The following USP15 variants were observed in gnomAD, a reference collection of about 807,000 sequenced individuals.
USP15 encodes the protein ubiquitin specific peptidase 15.
USP15 carries 18 observed loss-of-function variants against 127.1 expected under a neutral mutation model. The observed-to-expected ratio is 0.14, with a 90% CI of 0.10 to 0.21. The LOEUF is 0.21. USP15 is among the 10% of genes least tolerant of loss of function. The pLI is 1.00. For synonymous variants in USP15, 364 were observed against 393.7 expected (o/e 0.92, Z 0.89); for missense variants, 805 against 1,159.9 (o/e 0.69, Z 4.44).
At chr12:62,308,335 T>C (rs1175394663) in intron 3 of USP15, among the ~76,000 whole-genome samples, 1 of 152,050 alleles carries the variant, frequency 6.6e-6, no homozygotes, top group African/African-American at 2.4e-5. Context: ...TGCTCCCCAG[T>C]GATTGTGACC....
intron 8 of USP15, among the ~76,000 whole-genome samples, chr12:62,376,313 CTT>C (rs1441560137): frequency 6.6e-6 from 1 of 151,796 alleles, no homozygotes; most frequent in Non-Finnish European, 1.5e-5. Flanking sequence ...AGTACAAAGT[CTT>C]TTTCTTTAGT....
intron 3 of USP15, among the ~76,000 whole-genome samples, chr12:62,304,008 T>A (rs1398119042): frequency 7.3e-5 from 11 of 151,352 alleles, no homozygotes; most frequent in African/African-American, 2.7e-4. Flanking sequence ...TAGAATTATT[T>A]CATTCCTAGG....
intron 8 of USP15, among the ~76,000 whole-genome samples, chr12:62,371,913 G>T (rs1034082757): frequency 6.6e-6 from 1 of 152,062 alleles, no homozygotes; most frequent in Admixed American, 6.6e-5. Context: ...GAGTAAGCAG[G>T]TTACTTATCT....
At chr12:62,318,038 A>C (rs1479895527) in intron 4 of USP15, among the ~76,000 whole-genome samples, 1 of 152,162 alleles carries the variant, frequency 6.6e-6, no homozygotes, top group Non-Finnish European at 1.5e-5. Context: ...TTATTTTTCT[A>C]CCTCTGTATG....
intron 5 of USP15, 108 bp downstream of exon 5, chr12:62,321,717 T>A: frequency 1.1e-6 from 1 of 917,426 alleles, no homozygotes; most frequent in East Asian, 3.2e-5. Flanking sequence ...TCTGGCTTCC[T>A]CTTTCTAAAC....
At position 62,339,547 on chromosome 12, in the gene USP15, T is replaced by C. The variant is rs180982901; in HGVS notation, c.684-9674T>C. 1.8e-3 allele frequency among the ~76,000 whole-genome samples: 272 copies of C among 152,250 alleles called. 1 individual carries two copies. Among genetic ancestry groups the C allele is most frequent in the Middle Eastern group, 0.01 (3 of 294 alleles). On this transcript the variant is annotated intron_variant, in intron 6 of 21. Transcript: ENST00000280377. Reference sequence around the variant, plus strand: ...GGTCTGTCATAAATAGCTCTTATTATTTTGAGATATGTTTCATCAATAGTT... The same window carrying C: ...GGTCTGTCATAAATAGCTCTTATTACTTTGAGATATGTTTCATCAATAGTT...
intron 6 of USP15, among the ~76,000 whole-genome samples, chr12:62,340,585 G>C (rs1450369528): frequency 6.6e-6 from 1 of 152,038 alleles, no homozygotes; most frequent in African/African-American, 2.4e-5. Context: ...TTGTCTCTTT[G>C]TTCTCATTGG....
At chr12:62,302,318 CTT>C (rs1406271423) in intron 2 of USP15, among the ~76,000 whole-genome samples, 1 of 152,124 alleles carries the variant, frequency 6.6e-6, no homozygotes, top group East Asian at 1.9e-4. Flanking sequence ...GGGAAACACT[CTT>C]TTGTCAAGTC....
intron 6 of USP15, among the ~76,000 whole-genome samples, chr12:62,344,879 A>C (rs1448470940): frequency 6.6e-6 from 1 of 152,194 alleles, no homozygotes; most frequent in Non-Finnish European, 1.5e-5. Context: ...CCATGGCCAG[A>C]GCAGCTGAAA....
chr12:62,379,527 G>A (rs887342162), intron 8 of USP15, among the ~76,000 whole-genome samples: 6 of 152,126 alleles, frequency 3.9e-5, no homozygotes, highest in African/African-American at 1.4e-4. Context: ...TCCAAGATAA[G>A]AGTATATGTG....
intron 8 of USP15, among the ~76,000 whole-genome samples, chr12:62,368,694 T>G (rs1467454074): frequency 6.6e-6 from 1 of 152,260 alleles, no homozygotes; most frequent in Non-Finnish European, 1.5e-5. Flanking sequence ...TTTGAGCCTA[T>G]GTGTGTCTTT....
chr12:62,328,944 A>G (rs1250788676), intron 6 of USP15, among the ~76,000 whole-genome samples: 1 of 152,198 alleles, frequency 6.6e-6, no homozygotes, highest in African/African-American at 2.4e-5. Flanking sequence ...GATTATTTAG[A>G]TTTAGTAGGA....
intron 20 of USP15, among the ~76,000 whole-genome samples, chr12:62,398,949 A>G (rs2067586352): frequency 6.6e-6 from 1 of 152,192 alleles, no homozygotes; most frequent in African/African-American, 2.4e-5. Context: ...TATGTTCATA[A>G]TGGGTAGCTC....
At chr12:62,328,378 A>G (rs1211059447) in intron 6 of USP15, 5 of 422,444 alleles carry the variant, frequency 1.2e-5, no homozygotes, top group Non-Finnish European at 2.4e-5. Context: ...AGACATGGCA[A>G]TGCCTGTGTT....
chr12:62,318,405 A>G (rs1418310922), intron 4 of USP15, among the ~76,000 whole-genome samples: 1 of 152,166 alleles, frequency 6.6e-6, no homozygotes, highest in Non-Finnish European at 1.5e-5. Flanking sequence ...CCTGCCAGCA[A>G]AGTACAACAC....
rs564563942 is a variant in USP15 at position 62,361,426 on chromosome 12, TAGAG to T, written c.915+5954_915+5957del. 4.3e-3 allele frequency among the ~76,000 whole-genome samples: 661 copies of T among 152,056 alleles called. 3 individuals carry two copies. Among genetic ancestry groups the T allele is most frequent in the African/African-American group, 0.015 (609 of 41,524 alleles). On this transcript the variant is annotated intron_variant, in intron 8 of 21. Transcript: ENST00000280377. ...TGACATAATAGAGATCTTAGAGAAA[TAGAG>T]AGGTTCTTTTAAAGAGTTGTAAATT...
chr12:62,373,803 CAAATT>C (rs2066748578), intron 8 of USP15, among the ~76,000 whole-genome samples: 1 of 151,742 alleles, frequency 6.6e-6, no homozygotes, highest in Non-Finnish European at 1.5e-5. Flanking sequence ...ATTGATCTCT[CAAATT>C]TAATGAGATT....
chr12:62,372,294 G>T (rs140607961), intron 8 of USP15, among the ~76,000 whole-genome samples: 1 of 151,980 alleles, frequency 6.6e-6, no homozygotes, highest in Non-Finnish European at 1.5e-5. Flanking sequence ...AAATGCAGTC[G>T]ATCTGATAGC....
At chr12:62,376,378 A>G (rs2066829362) in intron 8 of USP15, among the ~76,000 whole-genome samples, 1 of 152,134 alleles carries the variant, frequency 6.6e-6, no homozygotes, top group Non-Finnish European at 1.5e-5. Context: ...TTTTAGGACC[A>G]ACAGTAGGTA....
Sources: gnomAD v4.1 joint callset for allele counts (sites outside exome capture counted in the v4.1 genomes callset) on GRCh38, gnomAD v4.1.1 for gene constraint, MANE v1.5 for transcripts, NCBI Gene and HGNC (gene_info 2026-07-23, HGNC 2026-07-21) for gene names.